The following SVOPL variants were observed in gnomAD, a reference collection of about 807,000 sequenced individuals.
SVOPL encodes the protein SVOP like, also known as putative transporter SVOPL.
Under a neutral mutation model 61.0 loss-of-function variants are expected in SVOPL, and 60 were observed. The ratio of observed to expected loss-of-function variants is 0.98; its 90% CI spans 0.80 to 1.22. SVOPL has a LOEUF of 1.22. Among genes scored for constraint, SVOPL ranks in the 50% most tolerant of loss-of-function variants. The probability of loss-of-function intolerance (pLI) is 0.00; values close to 1 mark genes in which losing one functional copy is unlikely to be tolerated. For missense variants in SVOPL, 662 were observed against 643.9 expected, an observed-to-expected ratio of 1.03 and a Z score of -0.30; for synonymous variants, 279 against 250.0, an observed-to-expected ratio of 1.12 and a Z score of -1.09.
intron 13 of SVOPL, among the ~76,000 whole-genome samples, chr7:138,623,003 T>A (rs1047331189): frequency 6.6e-6 from 1 of 152,226 alleles, no homozygotes; most frequent in Non-Finnish European, 1.5e-5. Flanking sequence ...AGGCAAAGCA[T>A]ATAGCCCCCT....
At chr7:138,618,419 G>A (rs1313739953) in intron 14 of SVOPL, among the ~76,000 whole-genome samples, 2 of 152,140 alleles carry the variant, frequency 1.3e-5, no homozygotes, top group East Asian at 1.9e-4. Context: ...CCAGCACTTT[G>A]GGAGGCGAGG....
intron 3 of SVOPL, among the ~76,000 whole-genome samples, chr7:138,674,570 C>G (rs1013372649): frequency 6.7e-5 from 10 of 149,232 alleles, no homozygotes; most frequent in African/African-American, 2.4e-4. Context: ...CTGTAAGACA[C>G]TTGAGGCTGG....
At position 138,679,386 on chromosome 7, in the gene SVOPL, C is replaced by A. The variant is rs182947559; in HGVS notation, c.-34-307G>T. Among the ~76,000 whole-genome samples the A allele has an allele frequency of 3.6e-3, 546 of 152,256 alleles. 3 individuals are homozygous for A. Among genetic ancestry groups the A allele is most frequent in the African/African-American group, 0.013 (526 of 41,534 alleles). On this transcript the variant is annotated intron_variant, in intron 1 of 15. Coordinates refer to ENST00000674285, the MANE Select transcript of SVOPL (RefSeq NM_001139456.2). The stretch of plus-strand genomic sequence containing the variant: ...CTGAGTTCAAGCGATTCTCGTGCCT[C>A]AGCCTCTTGAGTAGCTGGGGTTACA...
intron 1 of SVOPL, among the ~76,000 whole-genome samples, chr7:138,680,004 A>G (rs1251669348): frequency 6.6e-6 from 1 of 152,192 alleles, no homozygotes; most frequent in East Asian, 1.9e-4. Flanking sequence ...TGAGACCGGT[A>G]ACCAACCTTG....
intron 10 of SVOPL, among the ~76,000 whole-genome samples, chr7:138,629,540 CCTT>C (rs1475697520): frequency 6.6e-6 from 1 of 152,190 alleles, no homozygotes; most frequent in Non-Finnish European, 1.5e-5. Flanking sequence ...CCGTACCCGG[CCTT>C]CTTCATGATA....
intron 9 of SVOPL, among the ~76,000 whole-genome samples, chr7:138,638,247 T>C (rs1480294905): frequency 5.4e-5 from 7 of 129,762 alleles, no homozygotes; most frequent in African/African-American, 2.2e-4. Flanking sequence ...TACTCTAGCC[T>C]GGGCAGCAGA....
At chr7:138,690,247 T>C (rs1802911665) in intron 1 of SVOPL, among the ~76,000 whole-genome samples, 2 of 152,192 alleles carry the variant, frequency 1.3e-5, no homozygotes, top group African/African-American at 4.8e-5. Context: ...CAAACACTCA[T>C]ACATGAATGG....
chr7:138,642,524 CT>C (rs1033095792), intron 9 of SVOPL, among the ~76,000 whole-genome samples: 2 of 151,796 alleles, frequency 1.3e-5, no homozygotes, highest in Non-Finnish European at 2.9e-5. Flanking sequence ...AAATAATTTT[CT>C]TTAAAATATA....
rs567019231 is a variant in SVOPL at position 138,686,168 on chromosome 7, C to T, written c.-34-7089G>A. On this transcript the variant is annotated intron_variant, in intron 1 of 15. Coordinates refer to ENST00000674285, the MANE Select transcript of SVOPL (RefSeq NM_001139456.2). ...CTGTAATCCCAGCACTTTGGGAGGC[C>T]GAGGTGGGTGGATGGCCTGAGGTCA... 4.7e-4 allele frequency among the ~76,000 whole-genome samples: 71 copies of T among 151,938 alleles called. No individual in the cohort carries two copies. The East Asian group carries it at 0.013, about 27-fold the overall frequency.
At chr7:138,657,749 G>A (rs570115510) in intron 6 of SVOPL, among the ~76,000 whole-genome samples, 7 of 152,106 alleles carry the variant, frequency 4.6e-5, no homozygotes, top group African/African-American at 7.2e-5. Context: ...ATGCCCCAGG[G>A]AAGAACAATT....
chr7:138,661,049 T>C (rs1801979661), intron 5 of SVOPL: 1 of 984,980 alleles, frequency 1.0e-6, no homozygotes, highest in Non-Finnish European at 1.2e-6. Flanking sequence ...TTGTGCTTTT[T>C]TGAGATACTC....
chr7:138,645,239 A>G (rs574178807), intron 8 of SVOPL, among the ~76,000 whole-genome samples: 1 of 152,128 alleles, frequency 6.6e-6, no homozygotes, highest in South Asian at 2.1e-4. Flanking sequence ...TGACAGGAAC[A>G]GGGGGCTCCA....
chr7:138,676,140 G>A (rs757398440), intron 3 of SVOPL, among the ~76,000 whole-genome samples: 1 of 152,110 alleles, frequency 6.6e-6, no homozygotes, highest in Non-Finnish European at 1.5e-5. Context: ...CTGGTCTGGA[G>A]TTCTTAACGT....
At chr7:138,642,656 T>C (rs991722749) in intron 9 of SVOPL, among the ~76,000 whole-genome samples, 1 of 151,568 alleles carries the variant, frequency 6.6e-6, no homozygotes, top group East Asian at 1.9e-4. Flanking sequence ...GTGGAAACAC[T>C]GTCTCTACAA....
At chr7:138,650,285 T>C (rs1801357116) in intron 7 of SVOPL, among the ~76,000 whole-genome samples, 1 of 152,086 alleles carries the variant, frequency 6.6e-6, no homozygotes, top group African/African-American at 2.4e-5. Flanking sequence ...GGGCTTGTGA[T>C]TGGGGATGAG....
At chr7:138,686,882 G>C (rs907593691) in intron 1 of SVOPL, among the ~76,000 whole-genome samples, 8 of 151,856 alleles carry the variant, frequency 5.3e-5, no homozygotes, top group African/African-American at 1.7e-4. Flanking sequence ...AATCTAGCTG[G>C]GGACGCAAAA....
chr7:138,631,411 C>A (rs1800182969), intron 9 of SVOPL, among the ~76,000 whole-genome samples: 1 of 152,158 alleles, frequency 6.6e-6, no homozygotes, highest in South Asian at 2.1e-4. Context: ...GTTTTGCTAT[C>A]AAATAGTAAG....
chr7:138,643,636 C>A (rs909092059), intron 9 of SVOPL, among the ~76,000 whole-genome samples: 1 of 149,342 alleles, frequency 6.7e-6, no homozygotes, highest in African/African-American at 2.5e-5. Context: ...GGACATTATG[C>A]GAAATGAAAT....
chr7:138,648,395 G>A (rs1801230961), intron 8 of SVOPL, among the ~76,000 whole-genome samples: 1 of 151,920 alleles, frequency 6.6e-6, no homozygotes, highest in South Asian at 2.1e-4. Flanking sequence ...ATCACTTTAG[G>A]CCAGGAGTTC....
Sources: allele counts gnomAD v4.1 joint callset (sites outside exome capture counted in the v4.1 genomes callset), GRCh38; gene constraint gnomAD v4.1.1; transcripts MANE v1.5; gene names NCBI Gene and HGNC (gene_info 2026-07-23, HGNC 2026-07-21).